The following ASXL1 variants were observed in gnomAD, a reference collection of about 807,000 sequenced individuals.
ASXL1 encodes ASXL transcriptional regulator 1, also known as polycomb group protein ASXL1.
Under a neutral mutation model 89.1 loss-of-function variants are expected in ASXL1, and 65 were observed. The observed-to-expected ratio is 0.73, with a 90% confidence interval of 0.60 to 0.90. The LOEUF is 0.90. Among genes scored for constraint, ASXL1 ranks in the 40% least tolerant of loss-of-function variants. The probability of loss-of-function intolerance (pLI) is 0.00; values close to 1 mark genes in which losing one functional copy is unlikely to be tolerated. For missense variants in ASXL1, 1,786 were observed against 1,942.9 expected (o/e 0.92, Z 1.52); for synonymous variants, 739 against 746.9 (o/e 0.99, Z 0.17).
chr20:32,401,522 A>ATGTGTGTGTG (rs1278707742), intron 4 of ASXL1, among the ~76,000 whole-genome samples: 1 of 126,724 alleles, frequency 7.9e-6, no homozygotes, highest in African/African-American at 3.0e-5. Context: ...TGAACCATAT[A>ATGTGTGTGTG]TGTGTGTGTG....
chr20:32,386,001 G>C (rs2048572888), intron 4 of ASXL1, among the ~76,000 whole-genome samples: 1 of 152,126 alleles, frequency 6.6e-6, no homozygotes, highest in Admixed American at 6.6e-5. Flanking sequence ...ACTTACCTCA[G>C]TTCTTAAGAG....
At position 32,418,809 on chromosome 20, in the gene ASXL1, C is replaced by CTTT. The variant is rs71338437; in HGVS notation, c.253-9280_253-9278dup. Among the ~76,000 whole-genome samples the CTTT allele has an allele frequency of 1.2e-3, 67 of 55,748 alleles. 5 individuals carry two copies. The highest frequency in any genetic ancestry group is 1.5e-3 in the Non-Finnish European group (46 of 30,752). 36.6% of individuals were successfully genotyped at this position (55,748 alleles called of 152,430 possible). On this transcript the variant is annotated intron_variant, in intron 4 of 12. Coordinates refer to ENST00000375687, the MANE Select transcript of ASXL1 (RefSeq NM_015338.6). The stretch of plus-strand genomic sequence containing the variant: ...AAATCAAAATGGGAAGAATTGACAT[C>CTTT]TTTTTTTTTTTTTTTTTTTTTTTTT...
chr20:32,390,263 G>A (rs943904415), intron 4 of ASXL1, among the ~76,000 whole-genome samples: 11 of 152,136 alleles, frequency 7.2e-5, no homozygotes, highest in African/African-American at 2.7e-4. Flanking sequence ...AGTTGTATGA[G>A]TAGTCAGAGT....
chr20:32,404,272 T>C (rs1002426084), intron 4 of ASXL1, among the ~76,000 whole-genome samples: 3 of 152,242 alleles, frequency 2.0e-5, no homozygotes, highest in Non-Finnish European at 4.4e-5. Flanking sequence ...TATTTATCTT[T>C]CTGTGCCTCT....
chr20:32,388,537 G>A (rs1180209096), intron 4 of ASXL1, among the ~76,000 whole-genome samples: 1 of 152,178 alleles, frequency 6.6e-6, no homozygotes, highest in Non-Finnish European at 1.5e-5. Flanking sequence ...GTAATATAGT[G>A]AGTTATGTTA....
rs1569324386 is a variant in ASXL1, at chr20:32,433,473, C to T, written c.1275C>T (p.Tyr425=). The T allele has an allele frequency of 1.2e-6, 2 of 1,614,100 alleles. No individual in the cohort carries two copies. The highest frequency in any genetic ancestry group is 3.3e-5 in the Admixed American group (2 of 60,020). The change falls in exon 12 of 13, where the codon TAC becomes TAT. Residue 425 remains tyrosine (Y), a synonymous_variant. Coordinates refer to ENST00000375687, the MANE Select transcript of ASXL1 (RefSeq NM_015338.6). ...GAACCAGAGCCAGAAGGAATCTGTACAAAAAACAGGAGTCAGAACAAGCAG... is the reference window on the plus strand; with the variant it reads ...GAACCAGAGCCAGAAGGAATCTGTATAAAAAACAGGAGTCAGAACAAGCAG... The part of the protein sequence containing the change: ...DLRTRARRNL[Y]KKQESEQAGV...
chr20:32,406,340 G>A (rs1165734694), intron 4 of ASXL1, among the ~76,000 whole-genome samples: 1 of 151,930 alleles, frequency 6.6e-6, no homozygotes, highest in Non-Finnish European at 1.5e-5. Context: ...TTGAACACAG[G>A]CGTTCTAGAT....
chr20:32,408,984 T>G (rs2123095784), intron 4 of ASXL1, among the ~76,000 whole-genome samples: 1 of 152,238 alleles, frequency 6.6e-6, no homozygotes, highest in Non-Finnish European at 1.5e-5. Flanking sequence ...AATTAATTTA[T>G]TTTTTTGAGA....
At chr20:32,381,311 C>T (rs960814873) in intron 4 of ASXL1, among the ~76,000 whole-genome samples, 6 of 151,954 alleles carry the variant, frequency 3.9e-5, no homozygotes, top group Non-Finnish European at 1.5e-5. Context: ...CTCAAATGAT[C>T]CTCCCACCTC....
chr20:32,368,100 TGAAAA>T (rs2048236590), intron 3 of ASXL1, among the ~76,000 whole-genome samples: 1 of 152,226 alleles, frequency 6.6e-6, no homozygotes, highest in South Asian at 2.1e-4. Flanking sequence ...CTTCTAGTTC[TGAAAA>T]ATGCAAAGAG....
At chr20:32,397,679 G>A (rs189647478) in intron 4 of ASXL1, among the ~76,000 whole-genome samples, 102 of 151,186 alleles carry the variant, frequency 6.7e-4, no homozygotes, top group African/African-American at 2.4e-3. Context: ...AATTGCAGGC[G>A]TGAGCCACCA....
At chr20:32,427,861 T>C in intron 4 of ASXL1, 1 of 431,544 alleles carries the variant, frequency 2.3e-6, no homozygotes, top group East Asian at 4.9e-5. Context: ...TCCTTAGCAC[T>C]CCACCCTCCC....
At chr20:32,433,102 T>TG (rs1458300683) in intron 11 of ASXL1, 117 bp downstream of exon 11, 1 of 1,546,202 alleles carries the variant, frequency 6.5e-7, no homozygotes, top group African/African-American at 1.4e-5. Context: ...CAGTGACACT[T>TG]GGGTCATTTA....
In ASXL1 at chr20:32,436,114, A is replaced by T; in HGVS notation, c.3402A>T (p.Pro1134=). Residue 1134 remains proline (P), a synonymous_variant, in exon 13 of 13, where the codon CCA becomes CCT. Transcript: ENST00000375687. Reference sequence around the variant, plus strand: ...ACGATGACAGCATGTCAGAATCCCCACAAGTACCACTTACAAAAGACCAGA... The same window carrying T: ...ACGATGACAGCATGTCAGAATCCCCTCAAGTACCACTTACAAAAGACCAGA... The part of the protein sequence containing the change: ...PAHDDSMSES[P]QVPLTKDQSH... The T allele has an allele frequency of 6.2e-7, 1 of 1,614,138 alleles. No individual in the cohort carries two copies. Among genetic ancestry groups the T allele is most frequent in the Non-Finnish European group, 8.5e-7 (1 of 1,180,030 alleles).
At position 32,429,002 on chromosome 20, in the gene ASXL1, G is replaced by A. The variant is rs984578369; in HGVS notation, c.472-336G>A. On this transcript the variant is annotated intron_variant, in intron 6 of 12. Coordinates refer to ENST00000375687, the MANE Select transcript of ASXL1 (RefSeq NM_015338.6). The surrounding 1 kb of genome is among the most constrained non-coding windows in gnomAD (Gnocchi z 4.9). ...TGTAATATACACGTGAACATTCAGGGAGAAGTGTGGTTAGTGCAGAGTAGA... is the reference window on the plus strand; with the variant it reads ...TGTAATATACACGTGAACATTCAGGAAGAAGTGTGGTTAGTGCAGAGTAGA... 8.0e-6 allele frequency: 3 copies of A among 373,290 alleles called. No individual in the cohort carries two copies. The highest frequency in any genetic ancestry group is 1.6e-5 in the Non-Finnish European group (3 of 193,428). The allele number at this position is 373,290 out of a possible 1,614,324, so 23.1% of individuals were successfully genotyped here. A position where few individuals can be genotyped will look rare whatever the true frequency, so the allele number is the denominator to read the frequency against.
At position 32,422,603 on chromosome 20, in the gene ASXL1, TA is replaced by T. The variant is rs2011173136; in HGVS notation, c.253-5522del. 3.4e-5 allele frequency among the ~76,000 whole-genome samples: 4 copies of T among 118,242 alleles called. No individual in the cohort carries two copies. In the South Asian group the frequency reaches 8.6e-4, roughly 25 times the overall value. 77.6% of individuals were successfully genotyped at this position (118,242 alleles called of 152,430 possible). ...TAATTTTTTTTTTTTTTTTTTTTTT[TA>T]AAGACAGAGTCTTGCACTGTCTCCC... On this transcript the variant is annotated intron_variant, in intron 4 of 12. Coordinates refer to ENST00000375687, the MANE Select transcript of ASXL1 (RefSeq NM_015338.6).
At chr20:32,380,375 G>A (rs1291601464) in intron 4 of ASXL1, among the ~76,000 whole-genome samples, 2 of 152,184 alleles carry the variant, frequency 1.3e-5, no homozygotes, top group East Asian at 3.8e-4. Context: ...GAGGAAGAGA[G>A]TGAGATAATT....
rs2048055795 is a variant in ASXL1, at chr20:32,358,765, C to T, written c.-11C>T. 21 of 1,482,842 alleles carry T rather than the reference C, an allele frequency of 1.4e-5. No individual in the cohort carries two copies. Among genetic ancestry groups the T allele is most frequent in the Non-Finnish European group, 1.9e-5 (21 of 1,110,548 alleles). The allele number at this position is 1,482,842 out of a possible 1,614,324, so 91.9% of individuals were successfully genotyped here. ...TCCCGCGTGGAGCTGCCGCCGCCGC[C>T]GGGGAGAAGGATGAAGGACAAACAG... On this transcript the variant is annotated 5_prime_UTR_variant, in exon 1 of 13. Coordinates refer to ENST00000375687, the MANE Select transcript of ASXL1 (RefSeq NM_015338.6).
At position 32,436,971 on chromosome 20, in the gene ASXL1, G is replaced by C. The variant is rs140396659; in HGVS notation, c.4259G>C (p.Gly1420Ala). Residue 1420 changes from glycine to alanine, a missense_variant, in exon 13 of 13, where the codon GGG (glycine) becomes GCG (alanine). Coordinates refer to ENST00000375687, the MANE Select transcript of ASXL1 (RefSeq NM_015338.6). ...AAATTACCCCGAGAGCCAGGGAAGG[G>C]GCTCAGTGAGCCTCTGGAGCCTTCT... ...FWKLPREPGKGLSEPLEPSSL... is the reference protein window; with the variant it reads ...FWKLPREPGKALSEPLEPSSL... 2 of 1,613,872 alleles carry C rather than the reference G, an allele frequency of 1.2e-6. No individual in the cohort carries two copies. The highest frequency in any genetic ancestry group is 2.7e-5 in the African/African-American group (2 of 74,872).
Sources: gnomAD v4.1 joint callset for allele counts (sites outside exome capture counted in the v4.1 genomes callset) on GRCh38, gnomAD v4.1.1 for gene constraint, Gnocchi (gnomAD v3.1) non-coding constraint, MANE v1.5 for transcripts, NCBI Gene and HGNC (gene_info 2026-07-23, HGNC 2026-07-21) for gene names.